ZNF804A: variants seen among roughly 807,000 people sequenced by gnomAD.
ZNF804A encodes the protein zinc finger protein 804A.
In ZNF804A, 2 loss-of-function variants were observed where a neutral mutation model predicts 16.5. That is an observed-to-expected ratio of 0.12 (90% CI 0.05 to 0.38). The LOEUF is 0.38. ZNF804A is among the 10% of genes least tolerant of loss of function. The pLI is 0.99. For synonymous variants in ZNF804A, 534 were observed against 489.6 expected (o/e 1.09, Z -1.20); for missense variants, 1,473 against 1,390.7 (o/e 1.06, Z -0.94).
chr2:184,785,230 A>G (rs1025609314), intron 1 of ZNF804A, among the ~76,000 whole-genome samples: 2 of 151,976 alleles, frequency 1.3e-5, no homozygotes, highest in Non-Finnish European at 2.9e-5. Context: ...AATATAATTT[A>G]TTGCCCAGTA....
chr2:184,912,329 T>A (rs939182733), intron 2 of ZNF804A, among the ~76,000 whole-genome samples: 91 of 152,196 alleles, frequency 6.0e-4, no homozygotes, highest in African/African-American at 2.1e-3. Context: ...CTTGGATATA[T>A]CACAGTTTTG....
chr2:184,852,229 T>TC (rs1695615721), intron 1 of ZNF804A, among the ~76,000 whole-genome samples: 1 of 134,666 alleles, frequency 7.4e-6, no homozygotes, highest in Non-Finnish European at 1.6e-5. Context: ...TGCGGTCTCT[T>TC]TCTCTCTCTC....
Position 184,936,388 on chromosome 2 carries a change from T to C in ZNF804A, c.992T>C (p.Leu331Ser). 1 of 1,614,010 alleles carries C rather than the reference T, an allele frequency of 6.2e-7. No individual in the cohort carries two copies. Among genetic ancestry groups the C allele is most frequent in the Non-Finnish European group, 8.5e-7 (1 of 1,179,958 alleles). ...DADNCQNSVP[L>S]ADQIPLESVV... is the part of the protein sequence containing the mutation. ...GATAATTGTCAAAATTCAGTCCCAT[T>C]AGCAGATCAAATACCACTAGAGAGT... The change falls in exon 4 of 4, where the codon TTA becomes TCA. Residue 331 changes from leucine to serine, a missense_variant. By Grantham distance (145) the Leu-to-Ser change is moderately radical (BLOSUM62 -2). Transcript: ENST00000302277.
At chr2:184,783,805 A>G (rs73980315) in intron 1 of ZNF804A, among the ~76,000 whole-genome samples, 14,969 of 151,958 alleles carry the variant, frequency 0.099, 2,495 homozygotes, top group African/African-American at 0.34. Context: ...TTAATAGATG[A>G]CATCACTATT....
rs368234806 is a variant in ZNF804A, at chr2:184,703,282, A to C, written c.111+104212A>C. 4.6e-5 allele frequency among the ~76,000 whole-genome samples: 7 copies of C among 152,326 alleles called. No homozygotes were observed. In the East Asian group the frequency reaches 9.6e-4, roughly 21 times the overall value. On this transcript the variant is annotated intron_variant, in intron 1 of 3. Coordinates refer to ENST00000302277, the MANE Select transcript of ZNF804A (RefSeq NM_194250.2). ...GGCTTGTTTGAACCAACCTAGTATA[A>C]ATGGAATCTGTTAGAGTTTGATTTA...
At chr2:184,658,472 C>T (rs954332421) in intron 1 of ZNF804A, among the ~76,000 whole-genome samples, 2 of 151,874 alleles carry the variant, frequency 1.3e-5, no homozygotes, top group Non-Finnish European at 2.9e-5. Context: ...GACTCCATCT[C>T]GAGGAAAAAC....
At chr2:184,722,178 A>G (rs928737495) in intron 1 of ZNF804A, among the ~76,000 whole-genome samples, 1 of 152,020 alleles carries the variant, frequency 6.6e-6, no homozygotes, top group Non-Finnish European at 1.5e-5. Flanking sequence ...CATGTTCTCC[A>G]CTGCTTTCTT....
intron 2 of ZNF804A, among the ~76,000 whole-genome samples, chr2:184,914,374 C>T (rs918155319): frequency 1.3e-5 from 2 of 152,078 alleles, no homozygotes; most frequent in Non-Finnish European, 2.9e-5. Flanking sequence ...TTGTAAGAGG[C>T]TCTCTAGGTA....
At chr2:184,602,280 A>G (rs1691062315) in intron 1 of ZNF804A, among the ~76,000 whole-genome samples, 1 of 152,002 alleles carries the variant, frequency 6.6e-6, no homozygotes, top group Non-Finnish European at 1.5e-5. Flanking sequence ...AAGCAAAAAG[A>G]AAGGTCAACC....
chr2:184,673,302 T>G (rs1315020933), intron 1 of ZNF804A, among the ~76,000 whole-genome samples: 2 of 152,216 alleles, frequency 1.3e-5, no homozygotes, highest in East Asian at 3.8e-4. Flanking sequence ...TGCTTTGCAA[T>G]TATCCTACAG....
intron 1 of ZNF804A, among the ~76,000 whole-genome samples, chr2:184,712,199 C>G (rs1693139372): frequency 6.6e-6 from 1 of 151,530 alleles, no homozygotes; most frequent in African/African-American, 2.4e-5. Context: ...TAAGTTTATT[C>G]CTATGAAGTT....
chr2:184,850,846 A>C (rs544330608), intron 1 of ZNF804A, among the ~76,000 whole-genome samples: 37 of 151,820 alleles, frequency 2.4e-4, no homozygotes, highest in Non-Finnish European at 4.9e-4. Context: ...TTTAAATGGG[A>C]TATTTCTAGT....
chr2:184,819,573 G>A (rs1230836075), intron 1 of ZNF804A, among the ~76,000 whole-genome samples: 2 of 151,780 alleles, frequency 1.3e-5, no homozygotes, highest in Admixed American at 1.3e-4. Context: ...CAAGATCAGA[G>A]TGAAGCTGGA....
chr2:184,627,279 A>T (rs928384083), intron 1 of ZNF804A, among the ~76,000 whole-genome samples: 1 of 152,142 alleles, frequency 6.6e-6, no homozygotes, highest in Non-Finnish European at 1.5e-5. Flanking sequence ...TTTAACCAGT[A>T]TATCAAAATT....
At chr2:184,620,902 A>G (rs1287316426) in intron 1 of ZNF804A, among the ~76,000 whole-genome samples, 1 of 151,734 alleles carries the variant, frequency 6.6e-6, no homozygotes, top group East Asian at 1.9e-4. Flanking sequence ...TAAATGTTTA[A>G]TAAGAAGATA....
intron 2 of ZNF804A, among the ~76,000 whole-genome samples, chr2:184,882,760 AG>A (rs2105818443): frequency 6.6e-6 from 1 of 152,184 alleles, no homozygotes; most frequent in East Asian, 1.9e-4. Context: ...GCAACATACC[AG>A]AATCTCTGGG....
chr2:184,737,591 A>G (rs1011559930), intron 1 of ZNF804A, among the ~76,000 whole-genome samples: 26 of 152,120 alleles, frequency 1.7e-4, no homozygotes, highest in African/African-American at 5.8e-4. Context: ...TTGCTGACCT[A>G]TTTACTTGAT....
intron 1 of ZNF804A, among the ~76,000 whole-genome samples, chr2:184,635,298 T>C (rs985932895): frequency 6.6e-6 from 1 of 152,146 alleles, no homozygotes; most frequent in Non-Finnish European, 1.5e-5. Flanking sequence ...AGTTTAGCAA[T>C]AAGTCAAACC....
At chr2:184,790,851 C>T (rs1284646919) in intron 1 of ZNF804A, among the ~76,000 whole-genome samples, 5 of 152,172 alleles carry the variant, frequency 3.3e-5, no homozygotes, top group Non-Finnish European at 5.9e-5. Context: ...GATCCACCCA[C>T]CTCGGCCTCC....
Sources: gnomAD v4.1 joint callset for allele counts (sites outside exome capture counted in the v4.1 genomes callset) on GRCh38, gnomAD v4.1.1 for gene constraint, MANE v1.5 for transcripts, NCBI Gene and HGNC (gene_info 2026-07-23, HGNC 2026-07-21) for gene names.